Variants in ZNF808 observed in about 807,000 individuals in gnomAD.
The protein encoded by ZNF808 is zinc finger protein 808.
In ZNF808, 5 loss-of-function variants were observed where a neutral mutation model predicts 8.7. The observed-to-expected ratio is 0.58, with a 90% confidence interval of 0.30 to 1.21. The LOEUF is 1.21. ZNF808 is among the 50% of genes most tolerant of loss of function. The pLI, the probability that ZNF808 is intolerant of heterozygous loss-of-function variation, is 0.07. For missense variants in ZNF808, 1,103 were observed against 1,098.4 expected (o/e 1.00, Z -0.06); for synonymous variants, 380 against 366.0 (o/e 1.04, Z -0.44).
downstream of ZNF808, among the ~76,000 whole-genome samples, chr19:52,566,447 T>C (rs1388033666): frequency 6.6e-6 from 1 of 152,126 alleles, no homozygotes; most frequent in Non-Finnish European, 1.5e-5. Context: ...ATTACAGGTA[T>C]GCGCCACTAT....
chr19:52,558,399 TCTCA>T (rs1405566694), downstream of ZNF808, among the ~76,000 whole-genome samples: 1 of 148,814 alleles, frequency 6.7e-6, no homozygotes, highest in South Asian at 2.1e-4. Flanking sequence ...TGAGACAGAA[TCTCA>T]CTCTGTCACC....
chr19:52,538,745 AGAATGATG>A (rs765517538), intron 2 of ZNF808, among the ~76,000 whole-genome samples: 40 of 152,156 alleles, frequency 2.6e-4, no homozygotes, highest in Admixed American at 1.3e-4. Flanking sequence ...GGCTATGCAT[AGAATGATG>A]GAGGGAAGCA....
intron 3 of ZNF808, among the ~76,000 whole-genome samples, chr19:52,544,395 A>G (rs2059701628): frequency 6.6e-6 from 1 of 151,942 alleles, no homozygotes; most frequent in South Asian, 2.1e-4. Context: ...CAGTGGTACG[A>G]TCTCGGCTCT....
downstream of ZNF808, among the ~76,000 whole-genome samples, chr19:52,566,461 G>A (rs994072960): frequency 2.6e-5 from 4 of 151,838 alleles, no homozygotes; most frequent in African/African-American, 9.7e-5. Flanking sequence ...CCACTATGCT[G>A]GGCCAAAAGA....
In ZNF808 at chr19:52,545,677, C is replaced by T. The variant is rs550081962; in HGVS notation, c.64-1835C>T. ...CCTCAAATCCTAGCTACTGGGGAGG[C>T]TGAAGCAAGAGAATTGCTTGAACCT... On this transcript the variant is annotated intron_variant, in intron 3 of 4. Coordinates refer to ENST00000359798, the MANE Select transcript of ZNF808 (RefSeq NM_001039886.4). Among the ~76,000 whole-genome samples the T allele has an allele frequency of 3.7e-3, 562 of 151,848 alleles. 3 individuals are homozygous for T. The highest frequency in any genetic ancestry group is 5.7e-3 in the Admixed American group (86 of 15,212).
At chr19:52,548,850 G>A (rs1275860730) in intron 4 of ZNF808, among the ~76,000 whole-genome samples, 1 of 152,140 alleles carries the variant, frequency 6.6e-6, no homozygotes, top group African/African-American at 2.4e-5. Context: ...GGGTGCGGTG[G>A]CTCACGCCTG....
At chr19:52,568,471 C>G (rs2059878317), downstream of ZNF808, among the ~76,000 whole-genome samples, 1 of 152,054 alleles carries the variant, frequency 6.6e-6, no homozygotes, top group Admixed American at 6.6e-5. Context: ...AACTAAGCAG[C>G]CCCAGAGATA....
downstream of ZNF808, among the ~76,000 whole-genome samples, chr19:52,561,212 C>CTATA (rs374488821): frequency 4.8e-3 from 190 of 39,968 alleles, no homozygotes; most frequent in South Asian, 5.1e-3. Context: ...CTCTCTCTCT[C>CTATA]TATATATATA....
chr19:52,546,835 G>A (rs2059725893), intron 3 of ZNF808, among the ~76,000 whole-genome samples: 1 of 150,952 alleles, frequency 6.6e-6, no homozygotes, highest in Non-Finnish European at 1.5e-5. Flanking sequence ...GTAGAGATGT[G>A]GTTTCGCCAT....
intron 2 of ZNF808, among the ~76,000 whole-genome samples, chr19:52,536,272 A>T (rs913405784): frequency 6.6e-6 from 1 of 151,966 alleles, no homozygotes; most frequent in Non-Finnish European, 1.5e-5. Context: ...CAGTGTATAC[A>T]CTTCCTGTCG....
At chr19:52,543,386 C>A in intron 3 of ZNF808, 39 bp downstream of exon 3, 1 of 1,602,860 alleles carries the variant, frequency 6.2e-7, no homozygotes, top group Non-Finnish European at 8.5e-7. Context: ...CTGTCTCTTT[C>A]CTTTCTGAAA....
At chr19:52,552,707 T>TG (rs1022987465) in intron 4 of ZNF808, among the ~76,000 whole-genome samples, 1 of 151,722 alleles carries the variant, frequency 6.6e-6, no homozygotes, top group Non-Finnish European at 1.5e-5. Context: ...TGTGTGGTTT[T>TG]TTTTTTTTTT....
intron 2 of ZNF808, among the ~76,000 whole-genome samples, chr19:52,537,399 A>C (rs954753245): frequency 6.6e-6 from 1 of 152,002 alleles, no homozygotes. Flanking sequence ...GTAATGAAGA[A>C]AGAGGGGCCA....
At chr19:52,536,120 T>G (rs2123088182) in intron 2 of ZNF808, 1 of 152,962 alleles carries the variant, frequency 6.5e-6, no homozygotes, top group African/African-American at 2.4e-5. Context: ...GAAAGTGGGG[T>G]CCCCACGGAC....
chr19:52,552,049 ACT>A (rs200165463), intron 4 of ZNF808, among the ~76,000 whole-genome samples: 8,833 of 150,336 alleles, frequency 0.059, 279 homozygotes, highest in Middle Eastern at 0.14. Context: ...ATGGAGTCTC[ACT>A]CTGTCGCCCA....
chr19:52,552,020 ATT>A (rs756379358), intron 4 of ZNF808, among the ~76,000 whole-genome samples: 7 of 144,278 alleles, frequency 4.9e-5, no homozygotes, highest in Admixed American at 7.0e-5. Context: ...ATGGAAACAA[ATT>A]TTTTTTTTTT....
At chr19:52,562,141 G>T (rs995734344) in intron 3 of ZNF808, among the ~76,000 whole-genome samples, 1 of 152,140 alleles carries the variant, frequency 6.6e-6, no homozygotes, top group Non-Finnish European at 1.5e-5. Flanking sequence ...ACTTTGGGAG[G>T]CTGAGACTGG....
At chr19:52,538,467 CCT>C (rs1258527052) in intron 2 of ZNF808, among the ~76,000 whole-genome samples, 2 of 150,474 alleles carry the variant, frequency 1.3e-5, no homozygotes, top group Non-Finnish European at 2.9e-5. Flanking sequence ...GATACTACCC[CCT>C]GAGTATCTGG....
At chr19:52,539,184 A>AT (rs3049209) in intron 2 of ZNF808, among the ~76,000 whole-genome samples, 1,968 of 117,738 alleles carry the variant, frequency 0.017, 34 homozygotes, top group Middle Eastern at 0.03. Flanking sequence ...TCTTCATTTC[A>AT]TTTTTTTTTT....
Sources: gnomAD v4.1 joint callset for allele counts (sites outside exome capture counted in the v4.1 genomes callset) on GRCh38, gnomAD v4.1.1 for gene constraint, MANE v1.5 for transcripts, NCBI Gene and HGNC (gene_info 2026-07-23, HGNC 2026-07-21) for gene names.